TRHDE: variants seen among roughly 807,000 people sequenced by gnomAD.
TRHDE encodes thyrotropin-releasing hormone-degrading ectoenzyme.
Under a neutral mutation model 125.7 loss-of-function variants are expected in TRHDE, and 72 were observed. The ratio of observed to expected loss-of-function variants is 0.57; its 90% CI spans 0.47 to 0.70. The LOEUF (loss-of-function observed/expected upper bound fraction) is 0.70. TRHDE is among the 30% of genes least tolerant of loss of function. The pLI is 0.00. For synonymous variants in TRHDE, 509 were observed against 509.1 expected, an observed-to-expected ratio of 1.00 and a Z score of 0.00; for missense variants, 1,110 against 1,327.1, an observed-to-expected ratio of 0.84 and a Z score of 2.54.
At chr12:72,376,871 C>A (rs1165671820) in intron 2 of TRHDE, among the ~76,000 whole-genome samples, 1 of 148,612 alleles carries the variant, frequency 6.7e-6, no homozygotes, top group Admixed American at 6.7e-5. Flanking sequence ...ACTGAGTAAA[C>A]CATTTTTTTT....
At chr12:72,453,511 G>T (rs1332424229) in intron 3 of TRHDE, among the ~76,000 whole-genome samples, 2 of 152,188 alleles carry the variant, frequency 1.3e-5, no homozygotes, top group Non-Finnish European at 2.9e-5. Flanking sequence ...TGGCTATGTG[G>T]AAGAAAAGAA....
At chr12:72,510,799 G>C (rs1347453233) in intron 6 of TRHDE, among the ~76,000 whole-genome samples, 1 of 152,048 alleles carries the variant, frequency 6.6e-6, no homozygotes, top group Non-Finnish European at 1.5e-5. Context: ...GAAAAAATTA[G>C]GCAAAGGAGA....
chr12:72,111,442 A>G (rs972179306), intron 2 of TRHDE, among the ~76,000 whole-genome samples: 2 of 152,300 alleles, frequency 1.3e-5, no homozygotes, highest in Admixed American at 6.5e-5. Flanking sequence ...TATTTTCTTT[A>G]TAAGTAGAAA....
At chr12:72,570,640 CG>C (rs1870676903) in intron 10 of TRHDE, among the ~76,000 whole-genome samples, 1 of 131,044 alleles carries the variant, frequency 7.6e-6, no homozygotes. Context: ...CCAATAGCCA[CG>C]GGTTATGTTT....
chr12:72,111,891 G>C (rs1875323792), intron 2 of TRHDE, among the ~76,000 whole-genome samples: 1 of 151,938 alleles, frequency 6.6e-6, no homozygotes, highest in African/African-American at 2.4e-5. Flanking sequence ...AGTCATTTTA[G>C]CAATTGCCAA....
chr12:72,513,460 G>A (rs547595712), intron 6 of TRHDE, among the ~76,000 whole-genome samples: 19 of 152,068 alleles, frequency 1.2e-4, no homozygotes, highest in South Asian at 2.1e-4. Context: ...GGATTCTTTC[G>A]TGGGAGGCTA....
At chr12:72,213,239 C>T (rs371768707) in intron 2 of TRHDE, among the ~76,000 whole-genome samples, 14 of 151,730 alleles carry the variant, frequency 9.2e-5, no homozygotes, top group Admixed American at 2.6e-4. Context: ...TTGCTTTTAG[C>T]GGGACACAAA....
At chr12:72,314,101 T>TG (rs1446215719) in intron 2 of TRHDE, among the ~76,000 whole-genome samples, 4 of 152,186 alleles carry the variant, frequency 2.6e-5, no homozygotes, top group Admixed American at 1.3e-4. Context: ...TCTGTGAGAC[T>TG]GTGACAGGCT....
At position 72,521,742 on chromosome 12, in the gene TRHDE, A is replaced by G. The variant is rs528749201; in HGVS notation, c.1723-20549A>G. Among the ~76,000 whole-genome samples the G allele has an allele frequency of 2.0e-5, 3 of 152,326 alleles. 1 individual carries two copies. The highest frequency in any genetic ancestry group is 7.2e-5 in the African/African-American group (3 of 41,574). On this transcript the variant is annotated intron_variant, in intron 6 of 18. Transcript: ENST00000261180. ...TCCAGCTCCACGATTTTAAGATGAA[A>G]TGTGCAAACATTTATTGCCACATAA...
intron 2 of TRHDE, among the ~76,000 whole-genome samples, chr12:72,253,126 G>T (rs1380802505): frequency 6.6e-6 from 1 of 152,046 alleles, no homozygotes; most frequent in Non-Finnish European, 1.5e-5. Context: ...TTTGCTTAAA[G>T]TCAGTTTCCA....
intron 3 of TRHDE, among the ~76,000 whole-genome samples, chr12:72,404,875 T>C (rs367646273): frequency 6.6e-6 from 1 of 152,320 alleles, no homozygotes; most frequent in East Asian, 1.9e-4. Flanking sequence ...TGTTATCCTG[T>C]CAGTGCCTTG....
rs189693878 is a variant in TRHDE, at chr12:72,154,968, G to A, written n.279+49216G>A. The stretch of plus-strand genomic sequence containing the variant: ...CTTGCTAGATTGGGGAAGTTCTCCT[G>A]GATAATATCCTGAAGAGTGTTTTCT... On this transcript the variant is annotated intron_variant and non_coding_transcript_variant, in intron 2 of 4. Coordinates refer to the TRHDE transcript ENST00000548156. Among the ~76,000 whole-genome samples the A allele has an allele frequency of 6.8e-4, 104 of 152,272 alleles. 1 individual carries two copies. The East Asian group carries it at 0.016, about 24-fold the overall frequency.
At chr12:72,573,860 C>A (rs114454667) in intron 10 of TRHDE, among the ~76,000 whole-genome samples, 1,641 of 152,018 alleles carry the variant, frequency 0.011, 29 homozygotes, top group African/African-American at 0.037. Flanking sequence ...TTGGGTAATT[C>A]AATTAACCTG....
chr12:72,381,805 T>A (rs556174505), intron 3 of TRHDE, among the ~76,000 whole-genome samples: 99 of 152,296 alleles, frequency 6.5e-4, no homozygotes, highest in African/African-American at 2.0e-3. Context: ...TGCCATTTAG[T>A]GAGACAGAAG....
intron 3 of TRHDE, among the ~76,000 whole-genome samples, chr12:72,387,904 C>T (rs56744098): frequency 0.029 from 4,464 of 152,192 alleles, 219 homozygotes; most frequent in African/African-American, 0.1. Flanking sequence ...GTTCATTAAA[C>T]CTCTTTTTCT....
chr12:72,135,323 G>A (rs571228204), intron 2 of TRHDE, among the ~76,000 whole-genome samples: 2 of 152,018 alleles, frequency 1.3e-5, no homozygotes, highest in African/African-American at 2.4e-5. Flanking sequence ...GTACATTTCC[G>A]TTCATTACCA....
At chr12:72,117,362 C>T (rs1345262927) in intron 2 of TRHDE, among the ~76,000 whole-genome samples, 2 of 151,854 alleles carry the variant, frequency 1.3e-5, no homozygotes, top group African/African-American at 4.8e-5. Context: ...GCTTTTGGCA[C>T]CTTTGTTGAA....
chr12:72,299,421 G>A (rs1406324973), intron 2 of TRHDE, among the ~76,000 whole-genome samples: 1 of 152,172 alleles, frequency 6.6e-6, no homozygotes, highest in Non-Finnish European at 1.5e-5. Flanking sequence ...GTTTAATTTG[G>A]GGAGGAACTG....
intron 5 of TRHDE, among the ~76,000 whole-genome samples, chr12:72,490,503 TA>T (rs1295953360): frequency 2.0e-5 from 3 of 151,692 alleles, no homozygotes; most frequent in Non-Finnish European, 4.4e-5. Flanking sequence ...CACCGTCTTG[TA>T]AAGATATCTA....
Sources: gnomAD v4.1 joint callset for allele counts (sites outside exome capture counted in the v4.1 genomes callset) on GRCh38, gnomAD v4.1.1 for gene constraint, MANE v1.5 for transcripts, NCBI Gene and HGNC (gene_info 2026-07-23, HGNC 2026-07-21) for gene names.